Variants in CD47 observed in about 807,000 individuals in gnomAD.
CD47 encodes the protein CD47 molecule.
CD47 carries 11 observed loss-of-function variants against 44.6 expected under a neutral mutation model. That is an observed-to-expected ratio of 0.25 (90% CI 0.16 to 0.41). The LOEUF is 0.41. Ranked by LOEUF, CD47 falls within the 10% of genes least tolerant of loss-of-function variation. The pLI, the probability that CD47 is intolerant of heterozygous loss-of-function variation, is 1.00. For synonymous variants in CD47, 140 were observed against 136.3 expected (o/e 1.03, Z -0.19); for missense variants, 306 against 386.7 (o/e 0.79, Z 1.75).
Position 108,080,304 on chromosome 3 carries a change from T to C in CD47, c.87A>G (p.Glu29=), listed in dbSNP as rs779573821. 1.2e-6 allele frequency: 2 copies of C among 1,609,858 alleles called. No homozygotes were observed. Among genetic ancestry groups the C allele is most frequent in the East Asian group, 4.5e-5 (2 of 44,840 alleles). Residue 29 remains glutamate (E), a synonymous_variant, in exon 2 of 11, where the codon GAA becomes GAG. Coordinates refer to ENST00000361309, the MANE Select transcript of CD47 (RefSeq NM_001777.4). ...CGACAGTGTCATTACAAAACGTGAA[T>C]TCTACAGATTTTGTTTTATTAAATA... ...QLLFNKTKSV[E]FTFCNDTVVI...
In CD47 at chr3:108,085,278, T is replaced by C. The variant is rs183690327; in HGVS notation, c.47-4934A>G. Among the ~76,000 whole-genome samples, 26 of 152,210 alleles carry C rather than the reference T, an allele frequency of 1.7e-4. No individual in the cohort carries two copies. In the East Asian group the frequency reaches 4.4e-3, roughly 26 times the overall value. On this transcript the variant is annotated intron_variant, in intron 1 of 10. Coordinates refer to ENST00000361309, the MANE Select transcript of CD47 (RefSeq NM_001777.4). ...GTACATAGGGTGTATAATAGTTAAG[T>C]GCACACATTAAGGGGTCGACCCTAG...
At chr3:108,058,268 AAAAG>A in intron 6 of CD47, 65 bp downstream of exon 6, 1 of 894,678 alleles carries the variant, frequency 1.1e-6, no homozygotes, top group Admixed American at 3.5e-5. Context: ...GAGAGAAAGA[AAAAG>A]AAAAAGGAAG....
chr3:108,048,182 C>A (rs188827146), intron 10 of CD47, among the ~76,000 whole-genome samples: 19 of 151,920 alleles, frequency 1.3e-4, no homozygotes, highest in Non-Finnish European at 2.2e-4. Context: ...TGGTACTAGT[C>A]ATTTTATGTT....
At chr3:108,067,495 C>T (rs1560007241) in intron 3 of CD47, among the ~76,000 whole-genome samples, 1 of 152,146 alleles carries the variant, frequency 6.6e-6, no homozygotes, top group Non-Finnish European at 1.5e-5. Flanking sequence ...GTGGACAGCA[C>T]TTAAAATGAT....
chr3:108,048,638 C>T (rs911137488), intron 10 of CD47, among the ~76,000 whole-genome samples: 1 of 152,216 alleles, frequency 6.6e-6, no homozygotes, highest in African/African-American at 2.4e-5. Context: ...CCCGCCTCGG[C>T]CTCCCAAAGT....
intron 2 of CD47, among the ~76,000 whole-genome samples, chr3:108,071,403 T>G (rs2079199150): frequency 1.3e-5 from 2 of 152,216 alleles, no homozygotes; most frequent in South Asian, 4.1e-4. Flanking sequence ...TACACTTACT[T>G]AAGCATTTCT....
intron 4 of CD47, among the ~76,000 whole-genome samples, chr3:108,059,940 G>T (rs915484355): frequency 1.3e-5 from 2 of 152,154 alleles, no homozygotes; most frequent in African/African-American, 4.8e-5. Flanking sequence ...CAATAGAGCT[G>T]CCAAGCCCAT....
rs368433704 is a variant in CD47 at position 108,060,773 on chromosome 3, G to A, written c.570C>T (p.Val190=). 45 of 1,613,018 alleles carry A rather than the reference G, an allele frequency of 2.8e-5. No individual in the cohort carries two copies. In the African/African-American group the frequency reaches 4.8e-4, roughly 17 times the overall value. Residue 190 remains valine, a synonymous_variant, in exon 4 of 11, where the codon GTC becomes GTT. Coordinates refer to ENST00000361309, the MANE Select transcript of CD47 (RefSeq NM_001777.4). ...GGACGAAAAGAATGGCTCCAACAAT[G>A]ACAATGACAGTGATCACTAGTCCAG... is the stretch of plus-strand genomic sequence containing the variant. ...LVAGLVITVI[V]IVGAILFVPG...
At chr3:108,057,341 C>T (rs1430293354) in intron 7 of CD47, 136 bp downstream of exon 7, 2 of 540,370 alleles carry the variant, frequency 3.7e-6, no homozygotes, top group Non-Finnish European at 6.9e-6. Flanking sequence ...CTTCTACCCT[C>T]TTTAATTATC....
At chr3:108,067,496 T>C (rs1243430048) in intron 3 of CD47, among the ~76,000 whole-genome samples, 2 of 152,214 alleles carry the variant, frequency 1.3e-5, no homozygotes, top group Non-Finnish European at 1.5e-5. Flanking sequence ...TGGACAGCAC[T>C]TAAAATGATA....
chr3:108,077,051 T>A (rs1298551226), intron 2 of CD47, among the ~76,000 whole-genome samples: 2 of 152,152 alleles, frequency 1.3e-5, no homozygotes, highest in African/African-American at 4.8e-5. Flanking sequence ...TAAAACTATA[T>A]CTTATAGTGT....
chr3:108,043,936 AC>A lies in CD47; in HGVS notation c.*3351del, dbSNP rs533471111. ...GTCACTGAAAATGACCTAACAAAGGACCCCAGCAGGTGATGGCAGTTAGTAA... is the reference window on the plus strand; with the variant it reads ...GTCACTGAAAATGACCTAACAAAGGACCCAGCAGGTGATGGCAGTTAGTAA... On this transcript the variant is annotated 3_prime_UTR_variant, in exon 11 of 11. Coordinates refer to ENST00000361309, the MANE Select transcript of CD47 (RefSeq NM_001777.4). 1.0e-4 allele frequency: 16 copies of A among 152,770 alleles called. No homozygotes were observed. In the East Asian group the frequency reaches 3.1e-3, roughly 30 times the overall value. 9.5% of individuals were successfully genotyped at this position (152,770 alleles called of 1,614,324 possible). A position where few individuals can be genotyped will look rare whatever the true frequency, so the allele number is the denominator to read the frequency against.
At chr3:108,081,302 T>C (rs1391495611) in intron 1 of CD47, among the ~76,000 whole-genome samples, 1 of 152,010 alleles carries the variant, frequency 6.6e-6, no homozygotes, top group African/African-American at 2.4e-5. Flanking sequence ...TTGTCTTCCA[T>C]ATTCTTCAGC....
chr3:108,059,371 T>G (rs2078972703), intron 5 of CD47, 81 bp downstream of exon 5: 1 of 631,692 alleles, frequency 1.6e-6, no homozygotes, highest in Admixed American at 3.1e-5. Flanking sequence ...TGTAAAAAAT[T>G]TATATGAGCA....
In CD47 at chr3:108,048,956, A is replaced by G. The variant is rs190377093; in HGVS notation, c.967+663T>C. On this transcript the variant is annotated intron_variant, in intron 10 of 10. Transcript: ENST00000361309. Reference sequence around the variant, plus strand: ...AATATGTTAAGGTAAAACCAAAATAAATGCTTGTAGCACTCAATATCTCAA... The same window carrying G: ...AATATGTTAAGGTAAAACCAAAATAGATGCTTGTAGCACTCAATATCTCAA... 2.0e-5 allele frequency among the ~76,000 whole-genome samples: 3 copies of G among 152,326 alleles called. No homozygotes were observed. In the East Asian group the frequency reaches 5.8e-4, roughly 29 times the overall value.
chr3:108,059,658 A>G, intron 4 of CD47, 114 bp from the exon 5 acceptor site: 1 of 466,752 alleles, frequency 2.1e-6, no homozygotes, highest in Non-Finnish European at 3.8e-6. Flanking sequence ...TTCCCTGAAA[A>G]CCTCACACAA....
At position 108,059,462 on chromosome 3, in the gene CD47, C is replaced by A. The variant is rs922605598; in HGVS notation, c.681G>T (p.Val227=). The change falls in exon 5 of 11, where the codon GTG becomes GTT. Residue 227 remains valine (V), a synonymous_variant. Coordinates refer to ENST00000361309, the MANE Select transcript of CD47 (RefSeq NM_001777.4). ...ACAATGAAAACTCACCTGTACTAAA[C>A]ACATAGTAGTGAAGTAATATTAATA... The part of the protein sequence containing the change: ...TGILILLHYY[V]FSTAIGLTSF... The A allele has an allele frequency of 2.0e-6, 3 of 1,476,020 alleles. No homozygotes were observed. Among genetic ancestry groups the A allele is most frequent in the Non-Finnish European group, 2.7e-6 (3 of 1,091,424 alleles). 91.4% of individuals were successfully genotyped at this position (1,476,020 alleles called of 1,614,324 possible).
Position 108,082,405 on chromosome 3 carries a change from A to G in CD47, c.47-2061T>C, listed in dbSNP as rs112812258. On this transcript the variant is annotated intron_variant, in intron 1 of 10. Transcript: ENST00000361309. ...CAAAAGACTACATTTTACTGCCCTG[A>G]GGATATTGACCAATTTTGCATTTAT... Among the ~76,000 whole-genome samples, 649 of 152,158 alleles carry G rather than the reference A, an allele frequency of 4.3e-3. 5 individuals are homozygous for G. Among genetic ancestry groups the G allele is most frequent in the African/African-American group, 0.015 (613 of 41,544 alleles).
At chr3:108,048,371 GTTTTTTTTT>G (rs146476512) in intron 10 of CD47, among the ~76,000 whole-genome samples, 7 of 79,600 alleles carry the variant, frequency 8.8e-5, no homozygotes, top group African/African-American at 1.5e-4. Flanking sequence ...TGACTGGAGT[GTTTTTTTTT>G]TTTTTTTTTT....
Sources: allele counts gnomAD v4.1 joint callset (sites outside exome capture counted in the v4.1 genomes callset), GRCh38; gene constraint gnomAD v4.1.1; transcripts MANE v1.5; gene names NCBI Gene and HGNC (gene_info 2026-07-23, HGNC 2026-07-21).